TRIM2: variants seen among roughly 807,000 people sequenced by gnomAD.
TRIM2 encodes the protein tripartite motif-containing protein 2.
In TRIM2, 20 loss-of-function variants were observed where a neutral mutation model predicts 75.2. That is an observed-to-expected ratio of 0.27 (90% CI 0.19 to 0.39). TRIM2 has a LOEUF of 0.39. Ranked by LOEUF, TRIM2 falls within the 10% of genes least tolerant of loss-of-function variation. The pLI is 1.00. For missense variants in TRIM2, 660 were observed against 990.8 expected (o/e 0.67, Z 4.48); for synonymous variants, 373 against 388.3 (o/e 0.96, Z 0.46).
chr4:153,300,856 G>T (rs1763747892), intron 6 of TRIM2, among the ~76,000 whole-genome samples: 1 of 151,312 alleles, frequency 6.6e-6, no homozygotes, highest in South Asian at 2.1e-4. Context: ...GTCTATTCAG[G>T]TTCTTTGCCT....
At chr4:153,268,214 G>T (rs181775588) in intron 1 of TRIM2, among the ~76,000 whole-genome samples, 1 of 152,188 alleles carries the variant, frequency 6.6e-6, no homozygotes, top group East Asian at 1.9e-4. Flanking sequence ...TTTTGTTATC[G>T]CGAAGAGCAA....
At chr4:153,312,440 A>T (rs1766571821) in intron 6 of TRIM2, among the ~76,000 whole-genome samples, 1 of 152,108 alleles carries the variant, frequency 6.6e-6, no homozygotes, top group Non-Finnish European at 1.5e-5. Flanking sequence ...TATGCAGCCA[A>T]AAAACACATG....
At chr4:153,209,527 A>G (rs1443146255) in intron 1 of TRIM2, among the ~76,000 whole-genome samples, 1 of 152,216 alleles carries the variant, frequency 6.6e-6, no homozygotes, top group African/African-American at 2.4e-5. Flanking sequence ...TTTAACTACC[A>G]GGTGTATTTG....
chr4:153,239,193 A>C (rs1745818664), intron 1 of TRIM2, among the ~76,000 whole-genome samples: 2 of 152,158 alleles, frequency 1.3e-5, no homozygotes, highest in Non-Finnish European at 2.9e-5. Flanking sequence ...TCTACTAAAA[A>C]TACAAAAAAT....
intron 6 of TRIM2, among the ~76,000 whole-genome samples, chr4:153,315,279 A>T (rs528828598): frequency 1.8e-4 from 27 of 152,250 alleles, no homozygotes; most frequent in Non-Finnish European, 4.0e-4. Flanking sequence ...TACTTAAAAA[A>T]GTGATTTTGC....
In TRIM2 at chr4:153,337,519, A is replaced by C. The variant is rs1408257223; in HGVS notation, c.*2553A>C. 1 of 985,724 alleles carries C rather than the reference A, an allele frequency of 1.0e-6. No individual in the cohort carries two copies. The highest frequency in any genetic ancestry group is 6.1e-5 in the Admixed American group (1 of 16,270). 61.1% of individuals were successfully genotyped at this position (985,724 alleles called of 1,614,324 possible). A position where few individuals can be genotyped will look rare whatever the true frequency, so the allele number is the denominator to read the frequency against. On this transcript the variant is annotated 3_prime_UTR_variant, in exon 12 of 12. Transcript: ENST00000338700. ...AGGAAACACTATATTTTTTCCAAAA[A>C]ATATGTGATTATATATGTTAAAGTA... is the stretch of plus-strand genomic sequence containing the variant.
intron 6 of TRIM2, chr4:153,308,477 C>G (rs1765513618): frequency 2.6e-6 from 2 of 774,220 alleles, no homozygotes; most frequent in Non-Finnish European, 4.7e-6. Context: ...AAGCCACTAT[C>G]TAGGTGGCCA....
chr4:153,267,127 G>A (rs927197407), intron 1 of TRIM2: 3 of 143,966 alleles, frequency 2.1e-5, no homozygotes, highest in Non-Finnish European at 4.8e-5. Context: ...AAGTACAGAA[G>A]TGTTGCTTCT....
intron 1 of TRIM2, among the ~76,000 whole-genome samples, chr4:153,184,291 C>A (rs1274681848): frequency 6.6e-6 from 1 of 152,160 alleles, no homozygotes; most frequent in Non-Finnish European, 1.5e-5. Flanking sequence ...TCCTGGCTTG[C>A]AGACAGCTGT....
intron 3 of TRIM2, among the ~76,000 whole-genome samples, chr4:153,291,188 A>C (rs1761776360): frequency 6.6e-6 from 1 of 152,218 alleles, no homozygotes; most frequent in Admixed American, 6.5e-5. Flanking sequence ...GGTTCACCAG[A>C]AAAGGTTTTT....
intron 4 of TRIM2, among the ~76,000 whole-genome samples, chr4:153,293,569 TC>T (rs1762232326): frequency 6.6e-6 from 1 of 152,196 alleles, no homozygotes. Context: ...TTGCTAATTT[TC>T]CTTGTTTTCC....
Position 153,311,921 on chromosome 4 carries a change from T to TATTTATTTATTA in TRIM2, c.1511-3561_1511-3560insTATTTATTAATT, listed in dbSNP as rs1433630569. Among the ~76,000 whole-genome samples, 55 of 150,242 alleles carry TATTTATTTATTA rather than the reference T, an allele frequency of 3.7e-4. 1 individual carries two copies. The highest frequency in any genetic ancestry group is 3.7e-4 in the Non-Finnish European group (25 of 67,670). On this transcript the variant is annotated intron_variant, in intron 6 of 11. Coordinates refer to ENST00000338700, the MANE Select transcript of TRIM2 (RefSeq NM_015271.5). ...TTATTTATTTATTTATTTATTTATT[T>TATTTATTTATTA]ATTATTATTATACTTTAAGTTTTAG... is the stretch of plus-strand genomic sequence containing the variant.
At position 153,337,899 on chromosome 4, in the gene TRIM2, C is replaced by A. The variant is rs1358867531; in HGVS notation, c.*2933C>A. On this transcript the variant is annotated 3_prime_UTR_variant, in exon 12 of 12. Transcript: ENST00000338700. The stretch of plus-strand genomic sequence containing the variant: ...ACGACGCATTTCCTCCCAGTACAGA[C>A]CCCCCAGCCCCCCTTGCTGGACATG... The A allele has an allele frequency of 3.0e-6, 3 of 985,614 alleles. No homozygotes were observed. The highest frequency in any genetic ancestry group is 1.7e-5 in the African/African-American group (1 of 57,218). The allele number at this position is 985,614 out of a possible 1,614,324, so 61.1% of individuals were successfully genotyped here. A position where few individuals can be genotyped will look rare whatever the true frequency, so the allele number is the denominator to read the frequency against.
At chr4:153,260,726 A>AC (rs768881075) in intron 1 of TRIM2, among the ~76,000 whole-genome samples, 17,579 of 100,804 alleles carry the variant, frequency 0.17, 1,587 homozygotes, top group Admixed American at 0.23. Flanking sequence ...ACACACACAC[A>AC]TCATCATCAT....
At chr4:153,257,637 G>A (rs1752394876) in intron 1 of TRIM2, 13 of 1,258,288 alleles carry the variant, frequency 1.0e-5, no homozygotes, top group Non-Finnish European at 1.4e-5. Flanking sequence ...CTCTTTGCAT[G>A]GTGCTTCCCA....
intron 1 of TRIM2, among the ~76,000 whole-genome samples, chr4:153,175,368 T>C (rs1731316965): frequency 6.6e-6 from 1 of 152,008 alleles, no homozygotes; most frequent in African/African-American, 2.4e-5. Context: ...TGGGCAGTTA[T>C]CGGAAGTGAT....
intron 1 of TRIM2, 87 bp from the exon 2 acceptor site, chr4:153,270,248 G>C (rs190403163): frequency 1.3e-6 from 2 of 1,487,342 alleles, no homozygotes; most frequent in African/African-American, 2.8e-5. Context: ...TTTACTTATA[G>C]CACAATGCTT....
rs200729684 is a variant in TRIM2 at position 153,250,380 on chromosome 4, A to G, written c.31-19955A>G. Among the ~76,000 whole-genome samples, 4 of 152,312 alleles carry G rather than the reference A, an allele frequency of 2.6e-5. No individual in the cohort carries two copies. In the East Asian group the frequency reaches 7.7e-4, roughly 29 times the overall value. On this transcript the variant is annotated intron_variant, in intron 1 of 11. Coordinates refer to ENST00000338700, the MANE Select transcript of TRIM2 (RefSeq NM_015271.5). ...AGGGATCTGCCCACCTTGGCCTCCA[A>G]AAGTGCTGGGATTACAGGCGTGAGC...
chr4:153,169,191 T>G (rs1340468979), intron 1 of TRIM2, among the ~76,000 whole-genome samples: 1 of 152,254 alleles, frequency 6.6e-6, no homozygotes, highest in Non-Finnish European at 1.5e-5. Context: ...CCTTCCACAG[T>G]GGAGGCATCT....
Sources: allele counts gnomAD v4.1 joint callset (sites outside exome capture counted in the v4.1 genomes callset), GRCh38; gene constraint gnomAD v4.1.1; transcripts MANE v1.5; gene names NCBI Gene and HGNC (gene_info 2026-07-23, HGNC 2026-07-21).